The following ZNF431 variants were observed in gnomAD, a reference collection of about 807,000 sequenced individuals.
The protein encoded by ZNF431 is zinc finger protein 431.
In ZNF431, 34 loss-of-function variants were observed where a neutral mutation model predicts 57.0. The ratio of observed to expected loss-of-function variants is 0.60; its 90% CI spans 0.45 to 0.79. ZNF431 has a LOEUF of 0.79. Ranked by LOEUF, ZNF431 falls within the 30% of genes least tolerant of loss-of-function variation. The pLI is 0.00. For synonymous variants in ZNF431, 207 were observed against 220.3 expected, an observed-to-expected ratio of 0.94 and a Z score of 0.54; for missense variants, 607 against 667.1, an observed-to-expected ratio of 0.91 and a Z score of 0.99.
intron 2 of ZNF431, among the ~76,000 whole-genome samples, chr19:21,164,520 C>T (rs937750434): frequency 2.6e-5 from 4 of 151,970 alleles, no homozygotes; most frequent in South Asian, 2.1e-4. Flanking sequence ...TGTGTGTGGG[C>T]GTGACACTAG....
chr19:21,174,326 A>G (rs1368565059), intron 4 of ZNF431, among the ~76,000 whole-genome samples: 1 of 152,102 alleles, frequency 6.6e-6, no homozygotes. Flanking sequence ...ATTATTGCAA[A>G]TGATGTCTTG....
chr19:21,154,590 G>A (rs918776150), intron 2 of ZNF431, among the ~76,000 whole-genome samples: 3 of 152,054 alleles, frequency 2.0e-5, no homozygotes, highest in Non-Finnish European at 2.9e-5. Flanking sequence ...CTGAGGAATC[G>A]CCACACTGAC....
intron 2 of ZNF431, among the ~76,000 whole-genome samples, chr19:21,155,398 G>A (rs557548799): frequency 6.6e-6 from 1 of 152,298 alleles, no homozygotes; most frequent in South Asian, 2.1e-4. Flanking sequence ...TTTGGTACCA[G>A]TACCATGCTG....
At chr19:21,158,661 C>T (rs1970491837) in intron 2 of ZNF431, among the ~76,000 whole-genome samples, 1 of 152,026 alleles carries the variant, frequency 6.6e-6, no homozygotes, top group Non-Finnish European at 1.5e-5. Context: ...TAAACGGATG[C>T]CATTGATTTA....
In ZNF431 at chr19:21,193,259, T is replaced by C. The variant is rs1971540917; in HGVS notation, c.*9225T>C. 6.6e-6 allele frequency: 1 copy of C among 152,146 alleles called. No homozygotes were observed. The highest frequency in any genetic ancestry group is 6.5e-5 in the Admixed American group (1 of 15,276). The allele number at this position is 152,146 out of a possible 1,614,324, so 9.4% of individuals were successfully genotyped here. ...ATAAAATCTGTATCGCTGCACGAGG[T>C]GGCTCACGCCTGTAATCCCAGCACT... On this transcript the variant is annotated 3_prime_UTR_variant, in exon 5 of 5. Transcript: ENST00000311048.
intron 2 of ZNF431, chr19:21,149,857 C>G: frequency 1.5e-6 from 1 of 651,538 alleles, no homozygotes; most frequent in Non-Finnish European, 2.9e-6. Context: ...TGCAGGTCTT[C>G]CTGTGGACTA....
intron 2 of ZNF431, among the ~76,000 whole-genome samples, chr19:21,147,137 A>G (rs1367743174): frequency 1.3e-5 from 2 of 152,142 alleles, no homozygotes; most frequent in African/African-American, 4.8e-5. Context: ...TGTATACTGA[A>G]TGTTTTTTCT....
Position 21,180,379 on chromosome 19 carries a change from T to C in ZNF431, c.320-2244T>C, listed in dbSNP as rs138143727. ...TCTAGCAAGGCAGGCCTGGTGGTGATGTGCTCCCTCAGCATTTGCTTGTCT... is the reference window on the plus strand; with the variant it reads ...TCTAGCAAGGCAGGCCTGGTGGTGACGTGCTCCCTCAGCATTTGCTTGTCT... On this transcript the variant is annotated intron_variant, in intron 4 of 4. Transcript: ENST00000311048. Among the ~76,000 whole-genome samples, 424 of 152,330 alleles carry C rather than the reference T, an allele frequency of 2.8e-3. 1 individual carries two copies. The highest frequency in any genetic ancestry group is 9.9e-3 in the African/African-American group (412 of 41,572).
chr19:21,157,785 C>A (rs1970459645), intron 2 of ZNF431, among the ~76,000 whole-genome samples: 1 of 152,106 alleles, frequency 6.6e-6, no homozygotes, highest in African/African-American at 2.4e-5. Flanking sequence ...GCCTCGGCCT[C>A]CCAAAGTGCT....
At chr19:21,161,279 A>T (rs9630897) in intron 2 of ZNF431, among the ~76,000 whole-genome samples, 20,274 of 152,214 alleles carry the variant, frequency 0.13, 1,801 homozygotes, top group Non-Finnish European at 0.2. Context: ...TATGGTTAGT[A>T]CAATGAATAG....
chr19:21,149,802 A>C, intron 2 of ZNF431: 1 of 646,660 alleles, frequency 1.5e-6, no homozygotes, highest in Admixed American at 1.9e-5. Flanking sequence ...AGCTTAGCCA[A>C]AGCACCTTTG....
chr19:21,173,175 G>A (rs146253722), intron 4 of ZNF431, among the ~76,000 whole-genome samples: 1 of 152,250 alleles, frequency 6.6e-6, no homozygotes, highest in Non-Finnish European at 1.5e-5. Flanking sequence ...CATTTTTGAT[G>A]TGTTTATAAA....
In ZNF431 at chr19:21,190,957, A is replaced by G. The variant is rs573820552; in HGVS notation, c.*6923A>G. Reference sequence around the variant, plus strand: ...AGGCATGAGCCACCGCGTCCGGCCTATTATTTTTAATAATTTTTTATTGTT... The same window carrying G: ...AGGCATGAGCCACCGCGTCCGGCCTGTTATTTTTAATAATTTTTTATTGTT... On this transcript the variant is annotated 3_prime_UTR_variant, in exon 5 of 5. Transcript: ENST00000311048. 1 of 152,036 alleles carries G rather than the reference A, an allele frequency of 6.6e-6. No individual in the cohort carries two copies. Among genetic ancestry groups the G allele is most frequent in the East Asian group, 1.9e-4 (1 of 5,146 alleles). 9.4% of individuals were successfully genotyped at this position (152,036 alleles called of 1,614,324 possible). A position where few individuals can be genotyped will look rare whatever the true frequency, so the allele number is the denominator to read the frequency against.
At chr19:21,167,243 C>T (rs1024681500) in intron 3 of ZNF431, among the ~76,000 whole-genome samples, 6 of 151,982 alleles carry the variant, frequency 3.9e-5, no homozygotes, top group African/African-American at 1.5e-4. Flanking sequence ...TCACTGCCAC[C>T]TCCGCCTCCC....
chr19:21,192,903 A>T lies in ZNF431; in HGVS notation c.*8869A>T, dbSNP rs1033545615. The T allele has an allele frequency of 6.6e-6, 1 of 152,198 alleles. No homozygotes were observed. Among genetic ancestry groups the T allele is most frequent in the African/African-American group, 2.4e-5 (1 of 41,454 alleles). The allele number at this position is 152,198 out of a possible 1,614,324, so 9.4% of individuals were successfully genotyped here. ...TGTGAAATCACAACTAATTCTGCAT[A>T]CATACAAAAAAAGTCAGAGACTACT... is the stretch of plus-strand genomic sequence containing the variant. On this transcript the variant is annotated 3_prime_UTR_variant, in exon 5 of 5. Transcript: ENST00000311048.
At position 21,190,531 on chromosome 19, in the gene ZNF431, A is replaced by G. The variant is rs1026445599; in HGVS notation, c.*6497A>G. On this transcript the variant is annotated 3_prime_UTR_variant, in exon 5 of 5. Transcript: ENST00000311048. ...TTTAATAAGAGTTATTCTAACAGGA[A>G]TGAGTTGATATAGGGATTTTTTTTT... 6.6e-6 allele frequency: 1 copy of G among 152,052 alleles called. No individual in the cohort carries two copies. The highest frequency in any genetic ancestry group is 2.4e-5 in the African/African-American group (1 of 41,420). The allele number at this position is 152,052 out of a possible 1,614,324, so 9.4% of individuals were successfully genotyped here.
rs894166660 is a variant in ZNF431, at chr19:21,189,578, A to G, written c.*5544A>G. On this transcript the variant is annotated 3_prime_UTR_variant, in exon 5 of 5. Transcript: ENST00000311048. ...AAATCCAAATACATTATTATGAACT[A>G]TAGTCACCATGTTGTGCAATAAATC... 3.9e-6 allele frequency: 1 copy of G among 255,668 alleles called. No individual in the cohort carries two copies. The highest frequency in any genetic ancestry group is 7.3e-6 in the Non-Finnish European group (1 of 136,858). The allele number at this position is 255,668 out of a possible 1,614,324, so 15.8% of individuals were successfully genotyped here.
At position 21,183,823 on chromosome 19, in the gene ZNF431, C is replaced by T. The variant is rs1971286944; in HGVS notation, c.1520C>T (p.Thr507Ile). ...SNLTKHKIIH[T>I]GEKSYKCEEC... ...CTTACTAAACATAAGATAATTCATA[C>T]AGGAGAGAAATCTTACAAATGTGAA... is the stretch of plus-strand genomic sequence containing the variant. Residue 507 changes from threonine to isoleucine, a missense_variant, in exon 5 of 5, where the codon ACA becomes ATA. Coordinates refer to ENST00000311048, the MANE Select transcript of ZNF431 (RefSeq NM_133473.4). 1.2e-6 allele frequency: 2 copies of T among 1,613,950 alleles called. No individual in the cohort carries two copies. Among genetic ancestry groups the T allele is most frequent in the Non-Finnish European group, 8.5e-7 (1 of 1,179,918 alleles).
At chr19:21,156,720 A>G (rs1970428042) in intron 2 of ZNF431, among the ~76,000 whole-genome samples, 1 of 151,464 alleles carries the variant, frequency 6.6e-6, no homozygotes, top group Non-Finnish European at 1.5e-5. Context: ...ATGGCCACAT[A>G]ATCTTCCATG....
Sources: gnomAD v4.1 joint callset for allele counts (sites outside exome capture counted in the v4.1 genomes callset) on GRCh38, gnomAD v4.1.1 for gene constraint, MANE v1.5 for transcripts, NCBI Gene and HGNC (gene_info 2026-07-23, HGNC 2026-07-21) for gene names.